Variants in ZNF248 observed in about 807,000 individuals in gnomAD.
The protein encoded by ZNF248 is zinc finger protein 248.
ZNF248 carries 20 observed loss-of-function variants against 44.3 expected under a neutral mutation model. The ratio of observed to expected loss-of-function variants is 0.45; its 90% CI spans 0.32 to 0.66. The LOEUF (loss-of-function observed/expected upper bound fraction) is 0.66. ZNF248 is among the 30% of genes least tolerant of loss of function. The probability of loss-of-function intolerance (pLI) is 0.04; values close to 1 mark genes in which losing one functional copy is unlikely to be tolerated. For missense variants in ZNF248, 654 were observed against 677.0 expected, an observed-to-expected ratio of 0.97 and a Z score of 0.38; for synonymous variants, 224 against 229.0, an observed-to-expected ratio of 0.98 and a Z score of 0.20.
rs757423055 is a variant in ZNF248, at chr10:37,830,631, T to C, written c.*984A>G. 6.3e-5 allele frequency: 62 copies of C among 983,096 alleles called. No individual in the cohort carries two copies. Among genetic ancestry groups the C allele is most frequent in the Non-Finnish European group, 7.2e-5 (60 of 827,918 alleles). 60.9% of individuals were successfully genotyped at this position (983,096 alleles called of 1,614,324 possible). A position where few individuals can be genotyped will look rare whatever the true frequency, so the allele number is the denominator to read the frequency against. On this transcript the variant is annotated 3_prime_UTR_variant, in exon 6 of 6. Coordinates refer to ENST00000395867, the MANE Select transcript of ZNF248 (RefSeq NM_021045.3). ...ATACACAGTGATGTGCTGTAAATAT[T>C]TGACAGCAGGTTCTCTGAGAAAATT...
At chr10:37,766,994 C>G in the ZNF248 span, among the ~76,000 whole-genome samples, 1 of 151,394 alleles carries the variant, frequency 6.6e-6, no homozygotes, top group East Asian at 1.9e-4. Context: ...TCTCAGGAGC[C>G]GATGCAATCA....
chr10:37,820,564 G>A (rs914760921), intron 6 of ZNF248: 34 of 1,601,488 alleles, frequency 2.1e-5, no homozygotes, highest in South Asian at 3.3e-5. Context: ...TCCCTGGCCC[G>A]CTTCCCCCAG....
chr10:37,780,139 T>C (rs1203525417), intron 6 of ZNF248, among the ~76,000 whole-genome samples: 5 of 150,894 alleles, frequency 3.3e-5, no homozygotes, highest in Non-Finnish European at 5.9e-5. Context: ...TAACAATGAC[T>C]TTCTTCACAG....
At chr10:37,824,672 A>ATTTTTTT (rs1564542451), downstream of ZNF248, among the ~76,000 whole-genome samples, 49 of 61,298 alleles carry the variant, frequency 8.0e-4, no homozygotes, top group African/African-American at 3.1e-3. Context: ...AATTATTTTA[A>ATTTTTTT]ATTTTTTTTT....
chr10:37,848,585 T>C (rs1237731037), intron 3 of ZNF248, among the ~76,000 whole-genome samples: 1 of 107,670 alleles, frequency 9.3e-6, no homozygotes, highest in Non-Finnish European at 2.0e-5. Context: ...AGACTCCGTC[T>C]CAAAAAAAAA....
At chr10:37,834,374 C>T (rs2056641949) in intron 5 of ZNF248, among the ~76,000 whole-genome samples, 1 of 152,066 alleles carries the variant, frequency 6.6e-6, no homozygotes, top group Non-Finnish European at 1.5e-5. Flanking sequence ...AAGCAACGTG[C>T]ACTGAATTAT....
the ZNF248 span, among the ~76,000 whole-genome samples, chr10:37,770,920 T>C: frequency 3.3e-5 from 5 of 151,940 alleles, no homozygotes; most frequent in Non-Finnish European, 7.4e-5. Flanking sequence ...GAAGCAAATT[T>C]ACAAGAAAAA....
At chr10:37,838,187 TTTAGAG>T in intron 3 of ZNF248, 76 bp from the exon 4 acceptor site, 2 of 1,392,460 alleles carry the variant, frequency 1.4e-6, no homozygotes, top group Non-Finnish European at 1.9e-6. Context: ...AACTAATCTC[TTTAGAG>T]TTTACTAAAA....
chr10:37,815,694 G>A (rs1300515706), intron 6 of ZNF248, among the ~76,000 whole-genome samples: 3 of 151,620 alleles, frequency 2.0e-5, no homozygotes, highest in Non-Finnish European at 4.4e-5. Context: ...TTCATCTTTT[G>A]ATTTTTTTGT....
chr10:37,844,996 C>T (rs1279067755), intron 3 of ZNF248, among the ~76,000 whole-genome samples: 1 of 145,382 alleles, frequency 6.9e-6, no homozygotes, highest in Non-Finnish European at 1.5e-5. Flanking sequence ...CTTCCTTCTC[C>T]TTCCCTCCTT....
rs1463813090 is a variant in ZNF248, at chr10:37,819,513, T to C, written c.330+13512A>G. 4 of 1,132,510 alleles carry C rather than the reference T, an allele frequency of 3.5e-6. No individual in the cohort carries two copies. In the East Asian group the frequency reaches 7.1e-5, roughly 20 times the overall value. The allele number at this position is 1,132,510 out of a possible 1,614,324, so 70.2% of individuals were successfully genotyped here. On this transcript the variant is annotated intron_variant, in intron 6 of 6. Transcript: ENST00000615949. ...TTGTAAACTTTACTGAAACCTCCTC[T>C]ATCCAAAAGATGTAACAACAAATAT...
chr10:37,760,864 C>T, the ZNF248 span, among the ~76,000 whole-genome samples: 2 of 152,130 alleles, frequency 1.3e-5, no homozygotes, highest in African/African-American at 2.4e-5. Context: ...TAAAGACATA[C>T]TAAAACATTA....
At chr10:37,837,778 A>G in intron 4 of ZNF248, 66 bp from the exon 5 acceptor site, 2 of 1,472,302 alleles carry the variant, frequency 1.4e-6, no homozygotes, top group Non-Finnish European at 1.9e-6. Flanking sequence ...TGAATACATC[A>G]TGGGGAAGAA....
chr10:37,820,466 G>A (rs961954205), intron 6 of ZNF248: 8 of 1,592,434 alleles, frequency 5.0e-6, no homozygotes, highest in East Asian at 2.2e-5. Flanking sequence ...ACCACAGAGG[G>A]GCTGTTCTAC....
At chr10:37,825,438 A>G (rs1048163665), downstream of ZNF248, among the ~76,000 whole-genome samples, 4 of 152,012 alleles carry the variant, frequency 2.6e-5, no homozygotes, top group Non-Finnish European at 5.9e-5. Flanking sequence ...CACATTTCCA[A>G]ATTTTTTCTT....
At chr10:37,777,375 C>T (rs1034892572) in intron 6 of ZNF248, among the ~76,000 whole-genome samples, 2 of 152,146 alleles carry the variant, frequency 1.3e-5, no homozygotes, top group African/African-American at 2.4e-5. Context: ...TCTTTCAGGA[C>T]TTGCATAAAC....
chr10:37,819,900 A>G (rs1024468029), intron 6 of ZNF248: 155 of 775,008 alleles, frequency 2.0e-4, no homozygotes, highest in Non-Finnish European at 4.6e-5. Context: ...GATTCTGAAA[A>G]GCATAACCAT....
chr10:37,824,583 AACT>A (rs575021184), downstream of ZNF248, among the ~76,000 whole-genome samples: 57 of 152,252 alleles, frequency 3.7e-4, no homozygotes, highest in East Asian at 0.01. Flanking sequence ...ATAAAATTTA[AACT>A]ACCAAAGCAT....
downstream of ZNF248, among the ~76,000 whole-genome samples, chr10:37,827,872 T>C (rs1227034618): frequency 1.3e-5 from 2 of 152,134 alleles, no homozygotes; most frequent in Non-Finnish European, 2.9e-5. Context: ...CAGGGCCCAC[T>C]AGACCAGAGG....
Sources: gnomAD v4.1 joint callset for allele counts (sites outside exome capture counted in the v4.1 genomes callset) on GRCh38, gnomAD v4.1.1 for gene constraint, MANE v1.5 for transcripts, NCBI Gene and HGNC (gene_info 2026-07-23, HGNC 2026-07-21) for gene names.